ATP8A2: variants seen among roughly 807,000 people sequenced by gnomAD.
ATP8A2 encodes ATPase phospholipid transporting 8A2.
In ATP8A2, 100 loss-of-function variants were observed where a neutral mutation model predicts 165.6. The ratio of observed to expected loss-of-function variants is 0.60; its 90% CI spans 0.51 to 0.71. The LOEUF is 0.71. Among genes scored for constraint, ATP8A2 ranks in the 30% least tolerant of loss-of-function variants. ATP8A2 has a pLI of 0.00. For synonymous variants in ATP8A2, 543 were observed against 548.8 expected, an observed-to-expected ratio of 0.99 and a Z score of 0.15; for missense variants, 1,227 against 1,479.5, an observed-to-expected ratio of 0.83 and a Z score of 2.80.
chr13:25,743,627 T>A (rs1425511397), intron 25 of ATP8A2, among the ~76,000 whole-genome samples: 1 of 152,186 alleles, frequency 6.6e-6, no homozygotes, highest in Non-Finnish European at 1.5e-5. Context: ...AGATGTATCA[T>A]CAGGTTCTGG....
At chr13:25,736,923 G>C (rs2043784135) in intron 25 of ATP8A2, among the ~76,000 whole-genome samples, 1 of 152,168 alleles carries the variant, frequency 6.6e-6, no homozygotes, top group Non-Finnish European at 1.5e-5. Flanking sequence ...CTATCGATTG[G>C]GGAAAGACTA....
intron 24 of ATP8A2, among the ~76,000 whole-genome samples, chr13:25,624,166 G>A (rs906815206): frequency 1.3e-4 from 20 of 152,064 alleles, no homozygotes; most frequent in African/African-American, 3.6e-4. Flanking sequence ...ATTTGTTTTC[G>A]TTTACACTTA....
intron 25 of ATP8A2, among the ~76,000 whole-genome samples, chr13:25,738,514 G>A (rs945318961): frequency 1.3e-5 from 2 of 152,250 alleles, no homozygotes; most frequent in Non-Finnish European, 2.9e-5. Flanking sequence ...ATTGGAAGGA[G>A]GTGGAGAGCG....
At chr13:25,385,957 G>C (rs1361651970) in intron 1 of ATP8A2, among the ~76,000 whole-genome samples, 1 of 150,828 alleles carries the variant, frequency 6.6e-6, no homozygotes, top group Non-Finnish European at 1.5e-5. Flanking sequence ...CTGTTGCCCA[G>C]GCTGGAGTGC....
intron 10 of ATP8A2, among the ~76,000 whole-genome samples, chr13:25,550,111 C>T (rs1372864668): frequency 1.3e-5 from 2 of 152,066 alleles, no homozygotes; most frequent in African/African-American, 4.8e-5. Flanking sequence ...TCGACACCAG[C>T]CTGGCCAATA....
chr13:25,581,788 A>G (rs761561765), intron 22 of ATP8A2, 31 bp from the exon 23 acceptor site: 20 of 1,607,604 alleles, frequency 1.2e-5, no homozygotes, highest in African/African-American at 2.7e-5. Flanking sequence ...GTATGTGCCA[A>G]TCTTTAACTG....
intron 15 of ATP8A2, among the ~76,000 whole-genome samples, chr13:25,561,031 C>T (rs867881256): frequency 1.2e-4 from 18 of 151,988 alleles, no homozygotes; most frequent in Admixed American, 3.9e-4. Flanking sequence ...GGACTACAGG[C>T]GCCCACCACC....
chr13:25,680,022 G>A (rs2137800572), intron 24 of ATP8A2, among the ~76,000 whole-genome samples: 1 of 152,164 alleles, frequency 6.6e-6, no homozygotes, highest in South Asian at 2.1e-4. Flanking sequence ...CAAGACAGGT[G>A]GAATTAAAGT....
intron 24 of ATP8A2, among the ~76,000 whole-genome samples, chr13:25,639,448 C>T (rs943249149): frequency 3.3e-5 from 5 of 152,102 alleles, no homozygotes; most frequent in Non-Finnish European, 4.4e-5. Context: ...GCAGGGGTTG[C>T]AATCCTAGTC....
At chr13:25,737,806 C>T (rs887197703) in intron 25 of ATP8A2, among the ~76,000 whole-genome samples, 3 of 152,220 alleles carry the variant, frequency 2.0e-5, no homozygotes, top group South Asian at 2.1e-4. Flanking sequence ...CCTCAGCCTC[C>T]CGAGTAGCTG....
chr13:25,646,599 G>C (rs2041677494), intron 24 of ATP8A2, among the ~76,000 whole-genome samples: 1 of 132,552 alleles, frequency 7.5e-6, no homozygotes, highest in Non-Finnish European at 1.5e-5. Context: ...AGGTTGCAGT[G>C]AGCCAAGATC....
chr13:25,609,130 G>A (rs902479078), intron 24 of ATP8A2, among the ~76,000 whole-genome samples: 1 of 151,754 alleles, frequency 6.6e-6, no homozygotes, highest in African/African-American at 2.4e-5. Flanking sequence ...TAATAAAAGA[G>A]CAAGAGAAGA....
chr13:25,520,303 A>C (rs1307701888), intron 2 of ATP8A2, among the ~76,000 whole-genome samples: 1 of 152,198 alleles, frequency 6.6e-6, no homozygotes, highest in Non-Finnish European at 1.5e-5. Context: ...ATTTCACTTA[A>C]TATAATGACC....
chr13:25,683,879 A>G (rs1172362616), intron 24 of ATP8A2, among the ~76,000 whole-genome samples: 3 of 152,068 alleles, frequency 2.0e-5, no homozygotes, highest in African/African-American at 7.2e-5. Context: ...TATCTTTTTT[A>G]CCTGCCTGGT....
intron 24 of ATP8A2, among the ~76,000 whole-genome samples, chr13:25,658,945 A>C (rs2041992540): frequency 6.6e-6 from 1 of 152,150 alleles, no homozygotes; most frequent in African/African-American, 2.4e-5. Context: ...GGGTATTGCT[A>C]CCTAGGTAAG....
intron 2 of ATP8A2, among the ~76,000 whole-genome samples, chr13:25,485,096 C>A (rs1196829370): frequency 6.6e-6 from 1 of 152,164 alleles, no homozygotes. Context: ...CAGTGATGTA[C>A]CAGAGTAAAC....
chr13:25,611,058 G>A (rs1430795711), intron 24 of ATP8A2, among the ~76,000 whole-genome samples: 5 of 151,876 alleles, frequency 3.3e-5, no homozygotes, highest in African/African-American at 1.2e-4. Flanking sequence ...GAGTCTTAAG[G>A]GTTTTCTAGG....
chr13:25,520,289 G>T (rs1051902487), intron 2 of ATP8A2, among the ~76,000 whole-genome samples: 1 of 152,084 alleles, frequency 6.6e-6, no homozygotes, highest in African/African-American at 2.4e-5. Context: ...TTTATGCCTG[G>T]CTTATTTCAC....
intron 33 of ATP8A2, among the ~76,000 whole-genome samples, chr13:25,902,037 G>T (rs1024220021): frequency 9.9e-5 from 15 of 152,214 alleles, no homozygotes; most frequent in African/African-American, 3.4e-4. Flanking sequence ...CCATTAAGTA[G>T]CCTCATAGTT....
Sources: allele counts gnomAD v4.1 joint callset (sites outside exome capture counted in the v4.1 genomes callset), GRCh38; gene constraint gnomAD v4.1.1; transcripts MANE v1.5; gene names NCBI Gene and HGNC (gene_info 2026-07-23, HGNC 2026-07-21).